The following ALOX5AP variants were observed in gnomAD, a reference collection of about 807,000 sequenced individuals.
ALOX5AP encodes arachidonate 5-lipoxygenase-activating protein.
A neutral mutation model predicts 18.5 loss-of-function variants in ALOX5AP; 9 were observed. The observed-to-expected ratio is 0.49, with a 90% CI of 0.29 to 0.85. The LOEUF (loss-of-function observed/expected upper bound fraction) is 0.85, where lower values mean the gene tolerates loss of function less well. Ranked by LOEUF, ALOX5AP falls within the 40% of genes least tolerant of loss-of-function variation. The probability of loss-of-function intolerance (pLI) is 0.08; values close to 1 mark genes in which losing one functional copy is unlikely to be tolerated. For synonymous variants in ALOX5AP, 81 were observed against 78.6 expected (o/e 1.03, Z -0.16); for missense variants, 172 against 202.5 (o/e 0.85, Z 0.91).
chr13:30,717,844 C>A (rs1294626946), intron 1 of ALOX5AP, among the ~76,000 whole-genome samples: 1 of 152,106 alleles, frequency 6.6e-6, no homozygotes, highest in East Asian at 1.9e-4. Flanking sequence ...AAGACCTTCT[C>A]TGGGGAGGGT....
chr13:30,751,665 T>C (rs1293417511), intron 2 of ALOX5AP, among the ~76,000 whole-genome samples: 3 of 152,176 alleles, frequency 2.0e-5, no homozygotes, highest in Non-Finnish European at 4.4e-5. Context: ...GTTTCCTTAG[T>C]TGGGCTCTTC....
At chr13:30,746,249 T>C (rs577710649) in intron 2 of ALOX5AP, among the ~76,000 whole-genome samples, 1 of 152,290 alleles carries the variant, frequency 6.6e-6, no homozygotes, top group South Asian at 2.1e-4. Flanking sequence ...GAGTGGAAAG[T>C]GATTGTTGCT....
At chr13:30,732,643 A>G (rs962876430), upstream of ALOX5AP, among the ~76,000 whole-genome samples, 3 of 152,164 alleles carry the variant, frequency 2.0e-5, no homozygotes, top group Non-Finnish European at 4.4e-5. Context: ...AGGCTGTCCT[A>G]AGAGTTTAGA....
At chr13:30,714,688 C>G (rs530951633) in intron 1 of ALOX5AP, among the ~76,000 whole-genome samples, 9 of 152,160 alleles carry the variant, frequency 5.9e-5, no homozygotes, top group African/African-American at 2.2e-4. Flanking sequence ...GGAGAAGATC[C>G]TAGATGTGGG....
chr13:30,723,187 G>C (rs1445349513), intron 1 of ALOX5AP, among the ~76,000 whole-genome samples: 1 of 152,148 alleles, frequency 6.6e-6, no homozygotes, highest in African/African-American at 2.4e-5. Flanking sequence ...AATCCTATAA[G>C]ATCATATTTT....
At chr13:30,727,349 G>A (rs946429639) in intron 1 of ALOX5AP, among the ~76,000 whole-genome samples, 8 of 151,692 alleles carry the variant, frequency 5.3e-5, no homozygotes, top group African/African-American at 9.7e-5. Context: ...CAGTCACCAC[G>A]GTCTTTTTGG....
chr13:30,733,250 A>T (rs1951695945), upstream of ALOX5AP, among the ~76,000 whole-genome samples: 1 of 151,848 alleles, frequency 6.6e-6, no homozygotes, highest in South Asian at 2.1e-4. Context: ...TGTTCTTTTC[A>T]ACTTCAGCTG....
At chr13:30,757,120 C>T (rs17239221) in intron 4 of ALOX5AP, among the ~76,000 whole-genome samples, 4,475 of 152,270 alleles carry the variant, frequency 0.029, 226 homozygotes, top group African/African-American at 0.1. Flanking sequence ...CCCAGCCTTC[C>T]ACACCATTTT....
upstream of ALOX5AP, chr13:30,735,434 TAAA>T (rs59918130): frequency 0.12 from 97,317 of 830,834 alleles, 41 homozygotes; most frequent in East Asian, 0.13. Flanking sequence ...GGTGGTTAGT[TAAA>T]AAAAAAAAAA....
chr13:30,713,704 C>G (rs1228713727), exon 1 of ALOX5AP: 1 of 1,467,768 alleles, frequency 6.8e-7, no homozygotes. Flanking sequence ...GAACCAGGCT[C>G]CAGAAGTCAA....
chr13:30,731,001 C>T (rs1022641036), upstream of ALOX5AP, among the ~76,000 whole-genome samples: 7 of 145,516 alleles, frequency 4.8e-5, no homozygotes, highest in South Asian at 4.9e-4. Context: ...TGCATAATTA[C>T]GGAGAGCGCT....
intron 2 of ALOX5AP, among the ~76,000 whole-genome samples, chr13:30,748,226 C>G (rs1291347406): frequency 6.6e-6 from 1 of 152,166 alleles, no homozygotes; most frequent in African/African-American, 2.4e-5. Context: ...GGCCTAGACT[C>G]ACTTTCAAGT....
intron 4 of ALOX5AP, 90 bp from the exon 5 acceptor site, chr13:30,763,854 C>G: frequency 8.1e-7 from 1 of 1,241,340 alleles, no homozygotes; most frequent in East Asian, 2.3e-5. Flanking sequence ...AATTTAAACC[C>G]CATATATCTA....
chr13:30,763,458 AGCCCTCAGAT>A (rs1951961702), intron 4 of ALOX5AP, among the ~76,000 whole-genome samples: 1 of 152,254 alleles, frequency 6.6e-6, no homozygotes, highest in Non-Finnish European at 1.5e-5. Flanking sequence ...GAATAGAATG[AGCCCTCAGAT>A]GCCGAAGCAC....
chr13:30,731,725 G>T (rs1951682806), upstream of ALOX5AP, among the ~76,000 whole-genome samples: 1 of 152,200 alleles, frequency 6.6e-6, no homozygotes, highest in African/African-American at 2.4e-5. Context: ...GCAATGGGAG[G>T]GGGGTAATTT....
chr13:30,724,368 G>A (rs1951620335), intron 1 of ALOX5AP, among the ~76,000 whole-genome samples: 1 of 152,102 alleles, frequency 6.6e-6, no homozygotes, highest in East Asian at 1.9e-4. Flanking sequence ...TTCCAGCTTT[G>A]AACTATTTTG....
At chr13:30,721,010 C>T (rs1039779862) in intron 1 of ALOX5AP, among the ~76,000 whole-genome samples, 18 of 152,152 alleles carry the variant, frequency 1.2e-4, no homozygotes, top group African/African-American at 4.1e-4. Context: ...CATCCCTAAC[C>T]TATATCTGGG....
At chr13:30,761,148 G>A (rs1461403309) in intron 4 of ALOX5AP, among the ~76,000 whole-genome samples, 1 of 152,120 alleles carries the variant, frequency 6.6e-6, no homozygotes, top group Non-Finnish European at 1.5e-5. Context: ...CCCGGCCTGG[G>A]GTCACATTCC....
At chr13:30,733,033 C>T (rs1951693927), upstream of ALOX5AP, among the ~76,000 whole-genome samples, 1 of 151,936 alleles carries the variant, frequency 6.6e-6, no homozygotes, top group African/African-American at 2.4e-5. Context: ...GTGGTGGGTG[C>T]CTGTAGTCCC....
Sources: allele counts gnomAD v4.1 joint callset (sites outside exome capture counted in the v4.1 genomes callset), GRCh38; gene constraint gnomAD v4.1.1; transcripts MANE v1.5; gene names NCBI Gene and HGNC (gene_info 2026-07-23, HGNC 2026-07-21).